The following SI variants were observed in gnomAD, a reference collection of about 807,000 sequenced individuals.
SI encodes sucrase-isomaltase, intestinal.
SI carries 235 observed loss-of-function variants against 253.3 expected under a neutral mutation model. That is an observed-to-expected ratio of 0.93 (90% confidence interval 0.83 to 1.03). SI has a LOEUF of 1.03. Among genes scored for constraint, SI ranks in the 50% least tolerant of loss-of-function variants. The pLI is 0.00. For synonymous variants in SI, 819 were observed against 712.0 expected (o/e 1.15, Z -2.39); for missense variants, 2,442 against 2,211.1 (o/e 1.10, Z -2.09).
intron 3 of SI, among the ~76,000 whole-genome samples, chr3:165,069,555 A>G (rs554444707): frequency 9.9e-5 from 15 of 152,208 alleles, no homozygotes; most frequent in African/African-American, 3.6e-4. Context: ...TGTACTAATT[A>G]TGTATCAAGC....
intron 23 of SI, 78 bp from the exon 24 acceptor site, chr3:165,032,770 CA>C (rs1461940977): frequency 2.0e-5 from 19 of 938,254 alleles, no homozygotes; most frequent in Middle Eastern, 2.4e-4. Flanking sequence ...TAAGAAATAG[CA>C]AAAAAAGGTC....
intron 37 of SI, among the ~76,000 whole-genome samples, chr3:165,001,823 CAA>C (rs1201051016): frequency 1.3e-5 from 2 of 151,290 alleles, no homozygotes; most frequent in African/African-American, 4.8e-5. Flanking sequence ...AAAAAATATA[CAA>C]GAGACCACTT....
At chr3:165,089,338 C>T in the SI span, among the ~76,000 whole-genome samples, 2 of 152,022 alleles carry the variant, frequency 1.3e-5, no homozygotes, top group Non-Finnish European at 2.9e-5. Flanking sequence ...TAAGAAGACA[C>T]GACCCAAATG....
At chr3:165,061,784 A>G (rs1713996960) in intron 9 of SI, among the ~76,000 whole-genome samples, 1 of 151,966 alleles carries the variant, frequency 6.6e-6, no homozygotes, top group South Asian at 2.1e-4. Flanking sequence ...TAAAGCCCAT[A>G]TTGGGCTCAG....
intron 3 of SI, among the ~76,000 whole-genome samples, chr3:165,072,082 G>C (rs1714612842): frequency 6.6e-6 from 1 of 152,026 alleles, no homozygotes; most frequent in Non-Finnish European, 1.5e-5. Context: ...TATACAGTAA[G>C]TTTAATATAA....
upstream of SI, among the ~76,000 whole-genome samples, chr3:165,082,013 A>G (rs945942995): frequency 6.6e-6 from 1 of 152,016 alleles, no homozygotes; most frequent in African/African-American, 2.4e-5. Flanking sequence ...AGATAAATAA[A>G]TAACATCACA....
At chr3:165,029,588 ATG>A (rs1712119954) in intron 25 of SI, among the ~76,000 whole-genome samples, 1 of 145,692 alleles carries the variant, frequency 6.9e-6, no homozygotes, top group African/African-American at 2.5e-5. Flanking sequence ...ATACATATAT[ATG>A]TATATATATA....
chr3:165,036,664 G>A (rs148816593), intron 21 of SI, among the ~76,000 whole-genome samples, 187 bp from the exon 22 acceptor site: 4 of 151,770 alleles, frequency 2.6e-5, no homozygotes, highest in Middle Eastern at 3.4e-3. Context: ...TGTGAATACC[G>A]AAATAATTTA....
intron 47 of SI, among the ~76,000 whole-genome samples, chr3:164,981,205 T>A (rs1265036857): frequency 6.6e-6 from 1 of 152,112 alleles, no homozygotes; most frequent in Non-Finnish European, 1.5e-5. Flanking sequence ...CTATTCTTGA[T>A]ACAGTTTTAA....
At chr3:164,992,130 T>G in intron 43 of SI, 47 bp downstream of exon 43, 7 of 1,467,892 alleles carry the variant, frequency 4.8e-6, no homozygotes, top group Non-Finnish European at 5.7e-6. Context: ...GCCAAACAAT[T>G]ACCCGTTTCT....
intron 10 of SI, among the ~76,000 whole-genome samples, chr3:165,059,690 A>T (rs1457071288): frequency 6.6e-6 from 1 of 151,992 alleles, no homozygotes; most frequent in Non-Finnish European, 1.5e-5. Context: ...TTCTAGTATA[A>T]CTAACAATTG....
At chr3:165,072,574 T>C (rs553244888) in intron 3 of SI, among the ~76,000 whole-genome samples, 12 of 152,188 alleles carry the variant, frequency 7.9e-5, no homozygotes, top group African/African-American at 2.9e-4. Flanking sequence ...ATTTTTTAAA[T>C]CCATTTCCTA....
chr3:165,065,334 A>T lies in SI; in HGVS notation c.734T>A (p.Val245Asp). The T allele has an allele frequency of 1.9e-6, 3 of 1,606,014 alleles. No individual in the cohort carries two copies. The highest frequency in any genetic ancestry group is 2.6e-6 in the Non-Finnish European group (3 of 1,173,980). Residue 245 changes from valine (V) to aspartate (D), a missense_variant, in exon 7 of 48, where the codon GTT (valine) becomes GAT (aspartate). Val to Asp is a radical substitution (Grantham distance 152). Transcript: ENST00000264382. The stretch of plus-strand genomic sequence containing the variant: ...TAAATCATGACGAAATCTCTTATGA[A>T]CTTGTTCTCCAATACCATAAATATA... ...SDYIYGIGEQ[V>D]HKRFRHDLSW...
Position 165,069,196 on chromosome 3 carries a change from C to T in SI, c.256-1G>A. On this transcript the variant is annotated splice_acceptor_variant, in intron 3 of 47. Transcript: ENST00000264382. LOFTEE classifies it high-confidence loss of function. ...AGCAGCCTCTCTGTGCACAAATTCCCTGATAAAATATTTTTAAAGGAATTA... is the reference window on the plus strand; with the variant it reads ...AGCAGCCTCTCTGTGCACAAATTCCTTGATAAAATATTTTTAAAGGAATTA... 1.3e-6 allele frequency: 2 copies of T among 1,588,336 alleles called. No individual in the cohort carries two copies. The highest frequency in any genetic ancestry group is 1.7e-6 in the Non-Finnish European group (2 of 1,156,818).
At chr3:165,009,487 A>AT in intron 34 of SI, 92 bp from the exon 35 acceptor site, 1 of 758,068 alleles carries the variant, frequency 1.3e-6, no homozygotes, top group Non-Finnish European at 2.4e-6. Flanking sequence ...TCCACAAGTC[A>AT]TGTATGACTG....
intron 17 of SI, 81 bp downstream of exon 17, chr3:165,042,978 C>A: frequency 1.2e-6 from 1 of 860,950 alleles, no homozygotes; most frequent in Non-Finnish European, 2.0e-6. Context: ...AGACCATATA[C>A]TCTATAGATT....
rs1717063101 is a variant in SI, at chr3:164,979,266, G to T, written c.*96C>A. 3 of 779,466 alleles carry T rather than the reference G, an allele frequency of 3.8e-6. No individual in the cohort carries two copies. The highest frequency in any genetic ancestry group is 4.9e-5 in the East Asian group (2 of 40,764). The allele number at this position is 779,466 out of a possible 1,614,324, so 48.3% of individuals were successfully genotyped here. On this transcript the variant is annotated 3_prime_UTR_variant, in exon 48 of 48. Transcript: ENST00000264382. Reference sequence around the variant, plus strand: ...GATGTTATGAAAGCTATATTTTGTAGAGTACAAGAACCAAGTGAAGAGGGA... The same window carrying T: ...GATGTTATGAAAGCTATATTTTGTATAGTACAAGAACCAAGTGAAGAGGGA...
intron 32 of SI, among the ~76,000 whole-genome samples, chr3:165,015,575 C>T (rs1044665496): frequency 3.3e-5 from 5 of 152,000 alleles, no homozygotes; most frequent in African/African-American, 1.2e-4. Context: ...AATCTGAAGG[C>T]AAGTTTTTAA....
chr3:165,017,325 G>T lies in SI; in HGVS notation c.3759+223C>A, dbSNP rs551427376. On this transcript the variant is annotated intron_variant, in intron 31 of 47. Transcript: ENST00000264382. Reference sequence around the variant, plus strand: ...TGACTTGTTTAGCACAACACAGCATGATAGTATTAGGGAGGGAAAAGGAAA... The same window carrying T: ...TGACTTGTTTAGCACAACACAGCATTATAGTATTAGGGAGGGAAAAGGAAA... Among the ~76,000 whole-genome samples, 3 of 151,994 alleles carry T rather than the reference G, an allele frequency of 2.0e-5. No homozygotes were observed. The East Asian group carries it at 5.8e-4, about 29-fold the overall frequency.
Sources: allele counts gnomAD v4.1 joint callset (sites outside exome capture counted in the v4.1 genomes callset), GRCh38; gene constraint gnomAD v4.1.1; transcripts MANE v1.5; gene names NCBI Gene and HGNC (gene_info 2026-07-23, HGNC 2026-07-21).